Variants in LRRC72 observed in about 807,000 individuals in gnomAD.
LRRC72 encodes leucine-rich repeat-containing protein 72.
Under a neutral mutation model 35.8 loss-of-function variants are expected in LRRC72, and 41 were observed. The ratio of observed to expected loss-of-function variants is 1.15; its 90% CI spans 0.89 to 1.49. The LOEUF is 1.49. LRRC72 is among the 40% of genes most tolerant of loss of function. LRRC72 has a pLI of 0.00. For missense variants in LRRC72, 389 were observed against 330.7 expected, an observed-to-expected ratio of 1.18 and a Z score of -1.37; for synonymous variants, 118 against 119.2, an observed-to-expected ratio of 0.99 and a Z score of 0.07.
intron 7 of LRRC72, among the ~76,000 whole-genome samples, chr7:16,573,998 C>G (rs1406173594): frequency 6.6e-6 from 1 of 152,146 alleles, no homozygotes; most frequent in Non-Finnish European, 1.5e-5. Context: ...AGCATATGAA[C>G]AGGCACTTCT....
intron 3 of LRRC72, among the ~76,000 whole-genome samples, chr7:16,550,718 T>G (rs1481656264): frequency 2.6e-5 from 4 of 152,230 alleles, no homozygotes; most frequent in Non-Finnish European, 5.9e-5. Context: ...TATTGAATTT[T>G]CACTAAGGAA....
chr7:16,529,811 A>G (rs1041103894), intron 1 of LRRC72, among the ~76,000 whole-genome samples: 10 of 152,222 alleles, frequency 6.6e-5, no homozygotes, highest in African/African-American at 2.2e-4. Flanking sequence ...AAATTTTTAA[A>G]TATTCATTCT....
At chr7:16,546,662 C>T (rs758145644) in intron 3 of LRRC72, among the ~76,000 whole-genome samples, 84 of 152,150 alleles carry the variant, frequency 5.5e-4, no homozygotes, top group Admixed American at 9.8e-4. Flanking sequence ...CTCTGGTTCT[C>T]TGTCTGACCT....
chr7:16,568,373 C>T (rs1782886434), intron 7 of LRRC72, among the ~76,000 whole-genome samples: 1 of 151,802 alleles, frequency 6.6e-6, no homozygotes, highest in African/African-American at 2.4e-5. Context: ...AAAAACCAAA[C>T]CAATTATCTA....
chr7:16,532,688 A>T (rs768133656), intron 2 of LRRC72, 120 bp downstream of exon 2: 1 of 787,992 alleles, frequency 1.3e-6, no homozygotes, highest in Admixed American at 2.0e-5. Flanking sequence ...TAGGACTCCA[A>T]TTATTTTACC....
At chr7:16,550,666 G>C (rs550621030) in intron 3 of LRRC72, among the ~76,000 whole-genome samples, 1 of 152,210 alleles carries the variant, frequency 6.6e-6, no homozygotes, top group South Asian at 2.1e-4. Flanking sequence ...TCACTTGCTG[G>C]TATTGCTGCT....
At chr7:16,549,686 C>T (rs1245012124) in intron 3 of LRRC72, among the ~76,000 whole-genome samples, 3 of 152,096 alleles carry the variant, frequency 2.0e-5, no homozygotes, top group Non-Finnish European at 4.4e-5. Flanking sequence ...AATCCATGCC[C>T]TCCCTGCCAG....
chr7:16,552,210 C>G (rs1782564996), intron 3 of LRRC72, among the ~76,000 whole-genome samples: 1 of 152,124 alleles, frequency 6.6e-6, no homozygotes, highest in East Asian at 1.9e-4. Context: ...ATTTCAGGAA[C>G]ATTCAAAAGT....
At position 16,527,889 on chromosome 7, in the gene LRRC72, AT is replaced by A. The variant is rs146861309; in HGVS notation, c.90+854del. 5.7e-3 allele frequency among the ~76,000 whole-genome samples: 863 copies of A among 152,052 alleles called. 28 individuals carry two copies. In the East Asian group the frequency reaches 0.082, roughly 15 times the overall value. ...TTTAATAATCCTGCCATTTTCAAACATTTTTTTCCCTTTGATTCTAGATCCT... is the reference window on the plus strand; with the variant it reads ...TTTAATAATCCTGCCATTTTCAAACATTTTTTCCCTTTGATTCTAGATCCT... On this transcript the variant is annotated intron_variant, in intron 1 of 8. Transcript: ENST00000401542.
At chr7:16,575,972 T>C (rs1197181937) in intron 7 of LRRC72, among the ~76,000 whole-genome samples, 4 of 152,220 alleles carry the variant, frequency 2.6e-5, no homozygotes, top group African/African-American at 9.6e-5. Context: ...TTAAATTCTC[T>C]TTACTCCTTT....
intron 3 of LRRC72, among the ~76,000 whole-genome samples, chr7:16,548,722 G>A (rs1056560284): frequency 6.6e-6 from 1 of 152,244 alleles, no homozygotes; most frequent in African/African-American, 2.4e-5. Context: ...AGCAGGAGCT[G>A]AGCACAGCCT....
chr7:16,579,135 G>A (rs867459026), intron 7 of LRRC72, among the ~76,000 whole-genome samples: 10 of 152,142 alleles, frequency 6.6e-5, no homozygotes, highest in African/African-American at 2.4e-4. Context: ...ACAAAAAATG[G>A]CAACTGTCTG....
intron 3 of LRRC72, among the ~76,000 whole-genome samples, chr7:16,543,414 G>A (rs1014689091): frequency 2.0e-5 from 3 of 152,164 alleles, no homozygotes; most frequent in African/African-American, 7.2e-5. Flanking sequence ...TAAAGGGAAT[G>A]CATTTTTTTT....
intron 5 of LRRC72, among the ~76,000 whole-genome samples, chr7:16,562,083 G>T (rs1782752895): frequency 6.6e-6 from 1 of 152,208 alleles, no homozygotes; most frequent in South Asian, 2.1e-4. Context: ...GCCAAGGACT[G>T]CCTAGGAGAC....
intron 1 of LRRC72, among the ~76,000 whole-genome samples, chr7:16,530,859 A>G (rs1296434587): frequency 6.6e-6 from 1 of 152,188 alleles, no homozygotes; most frequent in Non-Finnish European, 1.5e-5. Flanking sequence ...GATGTGACTG[A>G]CTGTACGTAG....
chr7:16,533,897 A>C (rs1305573473), intron 2 of LRRC72, among the ~76,000 whole-genome samples: 1 of 152,172 alleles, frequency 6.6e-6, no homozygotes, highest in East Asian at 1.9e-4. Flanking sequence ...ATGTGGTCAA[A>C]AGATTGCATC....
At chr7:16,558,038 C>T (rs532557835) in intron 4 of LRRC72, among the ~76,000 whole-genome samples, 2 of 152,286 alleles carry the variant, frequency 1.3e-5, no homozygotes, top group South Asian at 4.1e-4. Flanking sequence ...TACGACATGG[C>T]TATCAAAAGG....
intron 3 of LRRC72, among the ~76,000 whole-genome samples, chr7:16,551,878 C>T (rs989793050): frequency 6.6e-6 from 1 of 152,120 alleles, no homozygotes; most frequent in East Asian, 1.9e-4. Flanking sequence ...GCCAGTTGGT[C>T]AGAAGCACAG....
chr7:16,564,664 C>T (rs942175325), intron 5 of LRRC72, among the ~76,000 whole-genome samples: 1 of 152,150 alleles, frequency 6.6e-6, no homozygotes, highest in Non-Finnish European at 1.5e-5. Context: ...AGGTGTCTTC[C>T]ATTGCCTGCT....
Sources: gnomAD v4.1 joint callset for allele counts (sites outside exome capture counted in the v4.1 genomes callset) on GRCh38, gnomAD v4.1.1 for gene constraint, MANE v1.5 for transcripts, NCBI Gene and HGNC (gene_info 2026-07-23, HGNC 2026-07-21) for gene names.